BTBD17: variants seen among roughly 807,000 people sequenced by gnomAD.
BTBD17 encodes BTB/POZ domain-containing protein 17.
In BTBD17, 26 loss-of-function variants were observed where a neutral mutation model predicts 36.9. The ratio of observed to expected loss-of-function variants is 0.70; its 90% CI spans 0.52 to 0.98. The LOEUF (loss-of-function observed/expected upper bound fraction) is 0.98. Ranked by LOEUF, BTBD17 falls within the 50% of genes least tolerant of loss-of-function variation. The pLI, the probability that BTBD17 is intolerant of heterozygous loss-of-function variation, is 0.00. For synonymous variants in BTBD17, 341 were observed against 338.0 expected (o/e 1.01, Z -0.10); for missense variants, 630 against 691.3 (o/e 0.91, Z 0.99).
rs979037798 is a variant in BTBD17 at position 74,357,398 on chromosome 17, G to T, written c.696C>A (p.His232Gln). 23 of 1,576,110 alleles carry T rather than the reference G, an allele frequency of 1.5e-5. No individual in the cohort carries two copies. The highest frequency in any genetic ancestry group is 1.9e-5 in the Non-Finnish European group (22 of 1,169,908). Reference protein sequence around the residue: ...LVLQDELELFHALEAWLGRAR... With the variant: ...LVLQDELELFQALEAWLGRAR... ...CGCGACCCAGCCAGGCCTCCAGCGC[G>T]TGGAACAGCTCCAGTTCATCCTGCA... Residue 232 changes from histidine (H) to glutamine (Q), a missense_variant, in exon 3 of 3, where the codon CAC becomes CAA. His to Gln is a conservative substitution (Grantham distance 24). Coordinates refer to ENST00000375366, the MANE Select transcript of BTBD17 (RefSeq NM_001080466.2). The surrounding 1 kb of genome is among the most constrained non-coding windows in gnomAD (Gnocchi z 8.4).
Position 74,357,350 on chromosome 17 carries a change from G to A in BTBD17, c.744C>T (p.Ala248=), listed in dbSNP as rs894761078. ...LGRARPPPAV[A]ERALRAIRYP... The stretch of plus-strand genomic sequence containing the variant: ...AGCGTATGGCGCGCAGCGCCCGCTC[G>A]GCCACGGCAGGGGGCGGCCGCGCGC... Residue 248 remains alanine (A), a synonymous_variant, in exon 3 of 3, where the codon GCC becomes GCT. Coordinates refer to ENST00000375366, the MANE Select transcript of BTBD17 (RefSeq NM_001080466.2). This position sits in a 1 kb window ranked among gnomAD's most constrained non-coding sequence, Gnocchi z 8.4. The A allele has an allele frequency of 3.2e-6, 5 of 1,551,438 alleles. No individual in the cohort carries two copies. Among genetic ancestry groups the A allele is most frequent in the African/African-American group, 2.8e-5 (2 of 72,224 alleles).
rs758937914 is a variant in BTBD17 at position 74,357,345 on chromosome 17, C to T, written c.749G>A (p.Arg250Gln). 2.6e-6 allele frequency: 4 copies of T among 1,551,184 alleles called. No homozygotes were observed. Among genetic ancestry groups the T allele is most frequent in the African/African-American group, 1.4e-5 (1 of 72,316 alleles). The stretch of plus-strand genomic sequence containing the variant: ...GGGGTAGCGTATGGCGCGCAGCGCC[C>T]GCTCGGCCACGGCAGGGGGCGGCCG... ...RARPPPAVAE[R>Q]ALRAIRYPMI... Residue 250 changes from arginine to glutamine, a missense_variant, in exon 3 of 3, where the codon CGG becomes CAG. Physicochemically the swap from Arg to Gln is conservative, Grantham distance 43. Coordinates refer to ENST00000375366, the MANE Select transcript of BTBD17 (RefSeq NM_001080466.2). The surrounding 1 kb of genome is among the most constrained non-coding windows in gnomAD (Gnocchi z 8.4).
upstream of BTBD17, among the ~76,000 whole-genome samples, chr17:74,362,962 G>GCA (rs1567933399): frequency 1.8e-5 from 2 of 110,680 alleles, no homozygotes; most frequent in African/African-American, 6.4e-5. Context: ...AAAAGCGCGC[G>GCA]CGCATGTGTG....
In BTBD17 at chr17:74,361,723, C is replaced by T. The variant is rs2054940509; in HGVS notation, c.85+12G>A. The T allele has an allele frequency of 6.2e-7, 1 of 1,610,506 alleles. No individual in the cohort carries two copies. Among genetic ancestry groups the T allele is most frequent in the Non-Finnish European group, 8.5e-7 (1 of 1,177,950 alleles). ...TCCACCCTGCCCCGCACCTGGCCCACTGCCCGCTCACCTGCATGGGTGACC... is the reference window on the plus strand; with the variant it reads ...TCCACCCTGCCCCGCACCTGGCCCATTGCCCGCTCACCTGCATGGGTGACC... On this transcript the variant is annotated intron_variant, in intron 1 of 2. Transcript: ENST00000375366.
intron 2 of BTBD17, among the ~76,000 whole-genome samples, chr17:74,359,218 A>G (rs1442204851): frequency 6.6e-6 from 1 of 152,186 alleles, no homozygotes; most frequent in African/African-American, 2.4e-5. Context: ...TTTCAAATAA[A>G]AAATATTCGT....
At position 74,357,538 on chromosome 17, in the gene BTBD17, C is replaced by T. The variant is rs1276011499; in HGVS notation, c.556G>A (p.Glu186Lys). The T allele has an allele frequency of 3.2e-6, 5 of 1,556,560 alleles. No individual in the cohort carries two copies. The highest frequency in any genetic ancestry group is 4.3e-6 in the Non-Finnish European group (5 of 1,158,168). The stretch of plus-strand genomic sequence containing the variant: ...CAGGCCAGGAACTGCAGGCAGCTCT[C>T]GCGCAGGGCCTCGTCCCCGGTGCCC... ...AVGTGDEALRESCLQFLAWNL... is the reference protein window; with the variant it reads ...AVGTGDEALRKSCLQFLAWNL... Residue 186 changes from glutamate to lysine, a missense_variant, in exon 3 of 3, where the codon GAG becomes AAG. Coordinates refer to ENST00000375366, the MANE Select transcript of BTBD17 (RefSeq NM_001080466.2). The surrounding 1 kb of genome is among the most constrained non-coding windows in gnomAD (Gnocchi z 8.4).
rs1176143813 is a variant in BTBD17 at position 74,356,926 on chromosome 17, G to T, written c.1168C>A (p.Arg390=). 7.1e-7 allele frequency: 1 copy of T among 1,402,674 alleles called. No homozygotes were observed. Among genetic ancestry groups the T allele is most frequent in the East Asian group, 3.0e-5 (1 of 33,036 alleles). 86.9% of individuals were successfully genotyped at this position (1,402,674 alleles called of 1,614,324 possible). A position where few individuals can be genotyped will look rare whatever the true frequency, so the allele number is the denominator to read the frequency against. Residue 390 remains arginine (R), a synonymous_variant, in exon 3 of 3, where the codon CGA becomes AGA. Coordinates refer to ENST00000375366, the MANE Select transcript of BTBD17 (RefSeq NM_001080466.2). This position sits in a 1 kb window ranked among gnomAD's most constrained non-coding sequence, Gnocchi z 4.3. ...GCCGGCGTCACCACCAGCCGCGGTC[G>T]GCCGTCCTCCGGGCGCGCGGCGGGC... The part of the protein sequence containing the change: ...ALPAARPEDG[R]PRLVVTPASS...
Position 74,356,642 on chromosome 17 carries a change from T to A in BTBD17, c.*15A>T. The A allele has an allele frequency of 6.7e-7, 1 of 1,487,510 alleles. No individual in the cohort carries two copies. The highest frequency in any genetic ancestry group is 9.0e-7 in the Non-Finnish European group (1 of 1,111,492). The allele number at this position is 1,487,510 out of a possible 1,614,324, so 92.1% of individuals were successfully genotyped here. ...GGGACCACCTAGGCCAGGCCTTTAT[T>A]CCCAGACCCCGAGGCTACTTGGGGG... is the stretch of plus-strand genomic sequence containing the variant. On this transcript the variant is annotated 3_prime_UTR_variant, in exon 3 of 3. Coordinates refer to ENST00000375366, the MANE Select transcript of BTBD17 (RefSeq NM_001080466.2). The surrounding 1 kb of genome is among the most constrained non-coding windows in gnomAD (Gnocchi z 4.3).
chr17:74,359,101 G>A (rs2054917741), intron 2 of BTBD17, among the ~76,000 whole-genome samples: 1 of 152,124 alleles, frequency 6.6e-6, no homozygotes, highest in Non-Finnish European at 1.5e-5. Flanking sequence ...GGCACCCCCT[G>A]AGCAGCATCA....
At chr17:74,360,280 G>A (rs1423265882) in intron 1 of BTBD17, 35 bp from the exon 2 acceptor site, 1 of 1,565,842 alleles carries the variant, frequency 6.4e-7, no homozygotes, top group Non-Finnish European at 8.7e-7. Context: ...AGCCTGAGAA[G>A]GTGCCCGGGC....
intron 1 of BTBD17, 64 bp downstream of exon 1, chr17:74,361,671 G>A (rs948911150): frequency 7.1e-7 from 1 of 1,410,294 alleles, no homozygotes; most frequent in East Asian, 2.4e-5. Context: ...CCGGCCGCGT[G>A]CAGCCAGGGC....
chr17:74,358,950 G>A (rs190517425), intron 2 of BTBD17, among the ~76,000 whole-genome samples: 60 of 152,328 alleles, frequency 3.9e-4, no homozygotes, highest in Middle Eastern at 6.8e-3. Context: ...AACTGATTCC[G>A]GGTTAACAGG....
chr17:74,360,019 C>T lies in BTBD17; in HGVS notation c.312G>A (p.Ala104=), dbSNP rs767538010. ...FLELLSNQSE[A]VLQEPQDCAA... ...CGCAGTCCTGTGGCTCCTGCAGCAC[C>T]GCCTCGCTCTGGTTACTTAGCAGCT... is the stretch of plus-strand genomic sequence containing the variant. Residue 104 remains alanine (A), a synonymous_variant, in exon 2 of 3, where the codon GCG becomes GCA. Coordinates refer to ENST00000375366, the MANE Select transcript of BTBD17 (RefSeq NM_001080466.2). 12 of 1,612,364 alleles carry T rather than the reference C, an allele frequency of 7.4e-6. No homozygotes were observed. The highest frequency in any genetic ancestry group is 1.1e-5 in the South Asian group (1 of 91,082).
rs912888394 is a variant in BTBD17 at position 74,357,369 on chromosome 17, C to T, written c.725G>A (p.Arg242Gln). Residue 242 changes from arginine to glutamine, a missense_variant, in exon 3 of 3, where the codon CGG (arginine) becomes CAG (glutamine). Transcript: ENST00000375366. The surrounding 1 kb of genome is among the most constrained non-coding windows in gnomAD (Gnocchi z 8.4). ...HALEAWLGRARPPPAVAERAL... is the reference protein window; with the variant it reads ...HALEAWLGRAQPPPAVAERAL... ...CCGCTCGGCCACGGCAGGGGGCGGC[C>T]GCGCGCGACCCAGCCAGGCCTCCAG... is the stretch of plus-strand genomic sequence containing the variant. The T allele has an allele frequency of 1.9e-6, 3 of 1,551,822 alleles. No individual in the cohort carries two copies. The highest frequency in any genetic ancestry group is 2.4e-5 in the East Asian group (1 of 41,294).
chr17:74,362,040 T>G (rs2054944034), upstream of BTBD17: 1 of 517,506 alleles, frequency 1.9e-6, no homozygotes. Flanking sequence ...CGGGGGCTAT[T>G]GTGCTGCCTG....
Position 74,360,086 on chromosome 17 carries a change from G to A in BTBD17, c.245C>T (p.Ala82Val). 1.2e-6 allele frequency: 2 copies of A among 1,613,296 alleles called. No homozygotes were observed. The highest frequency in any genetic ancestry group is 1.7e-6 in the Non-Finnish European group (2 of 1,180,020). ...AGTDEVRVFH[A>V]HRLLLGLHSE... ...GTGCAGTCCCAGCAGCAGGCGGTGG[G>A]CGTGGAATACCCGGACCTCATCGGT... Residue 82 changes from alanine to valine, a missense_variant, in exon 2 of 3, where the codon GCC (alanine) becomes GTC (valine). By Grantham distance (64) the Ala-to-Val change is moderately conservative. Coordinates refer to ENST00000375366, the MANE Select transcript of BTBD17 (RefSeq NM_001080466.2).
At chr17:74,358,603 C>T (rs1246132022) in intron 2 of BTBD17, among the ~76,000 whole-genome samples, 1 of 151,462 alleles carries the variant, frequency 6.6e-6, no homozygotes, top group African/African-American at 2.4e-5. Flanking sequence ...AGGTGTGAGC[C>T]CCCATTTCTT....
In BTBD17 at chr17:74,357,771, T is replaced by C; in HGVS notation, c.363-40A>G. 1 of 1,464,668 alleles carries C rather than the reference T, an allele frequency of 6.8e-7. No individual in the cohort carries two copies. Among genetic ancestry groups the C allele is most frequent in the Non-Finnish European group, 9.1e-7 (1 of 1,094,086 alleles). The allele number at this position is 1,464,668 out of a possible 1,614,324, so 90.7% of individuals were successfully genotyped here. A position where few individuals can be genotyped will look rare whatever the true frequency, so the allele number is the denominator to read the frequency against. ...GAGAGGTGGGGCGGGGTCAGGGCGG[T>C]ACCCACCTCCCAGGATAGATTTTTT... On this transcript the variant is annotated intron_variant, in intron 2 of 2. Transcript: ENST00000375366. This position sits in a 1 kb window ranked among gnomAD's most constrained non-coding sequence, Gnocchi z 8.4.
At position 74,357,703 on chromosome 17, in the gene BTBD17, G is replaced by A; in HGVS notation, c.391C>T (p.Leu131=). ...TGCAGGGGGATGGCCTGGGTCAGCA[G>A]CACGGTCAGCTCCCCGCAGTACAGG... The part of the protein sequence containing the change: ...RYLYCGELTV[L]LTQAIPLHRL... The change falls in exon 3 of 3, where the codon CTG becomes TTG. Residue 131 remains leucine (L), a synonymous_variant. Coordinates refer to ENST00000375366, the MANE Select transcript of BTBD17 (RefSeq NM_001080466.2). This position sits in a 1 kb window ranked among gnomAD's most constrained non-coding sequence, Gnocchi z 8.4. 1 of 1,545,456 alleles carries A rather than the reference G, an allele frequency of 6.5e-7. No homozygotes were observed.
Sources: gnomAD v4.1 joint callset for allele counts (sites outside exome capture counted in the v4.1 genomes callset) on GRCh38, gnomAD v4.1.1 for gene constraint, Gnocchi (gnomAD v3.1) non-coding constraint, MANE v1.5 for transcripts, NCBI Gene and HGNC (gene_info 2026-07-23, HGNC 2026-07-21) for gene names.